The following TMEM132C variants were observed in gnomAD, a reference collection of about 807,000 sequenced individuals.
The protein encoded by TMEM132C is protein phosphatase 1, regulatory subunit 152.
Under a neutral mutation model 61.4 loss-of-function variants are expected in TMEM132C, and 29 were observed. The ratio of observed to expected loss-of-function variants is 0.47; its 90% confidence interval spans 0.35 to 0.64. The LOEUF (loss-of-function observed/expected upper bound fraction) is 0.64, where lower values mean the gene tolerates loss of function less well. Among genes scored for constraint, TMEM132C ranks in the 30% least tolerant of loss-of-function variants. The pLI is 0.00. For synonymous variants in TMEM132C, 656 were observed against 633.1 expected, an observed-to-expected ratio of 1.04 and a Z score of -0.54; for missense variants, 1,408 against 1,476.9, an observed-to-expected ratio of 0.95 and a Z score of 0.76.
At chr12:128,627,976 G>GGTGCAT (rs1397503593) in intron 4 of TMEM132C, among the ~76,000 whole-genome samples, 2 of 152,176 alleles carry the variant, frequency 1.3e-5, no homozygotes, top group Non-Finnish European at 2.9e-5. Flanking sequence ...TGCAGGTGCA[G>GGTGCAT]GTTCAGGTGC....
At chr12:128,555,290 C>T (rs1307833208) in intron 3 of TMEM132C, among the ~76,000 whole-genome samples, 1 of 152,152 alleles carries the variant, frequency 6.6e-6, no homozygotes, top group Non-Finnish European at 1.5e-5. Flanking sequence ...GGAACAGGAA[C>T]GTGCTCATAG....
At chr12:128,393,915 T>C (rs1874851709) in intron 1 of TMEM132C, among the ~76,000 whole-genome samples, 1 of 152,200 alleles carries the variant, frequency 6.6e-6, no homozygotes, top group Non-Finnish European at 1.5e-5. Context: ...GGCCTGGATA[T>C]TGGCACACAG....
intron 1 of TMEM132C, among the ~76,000 whole-genome samples, chr12:128,401,368 G>A (rs537766825): frequency 1.3e-5 from 2 of 151,932 alleles, no homozygotes; most frequent in East Asian, 1.9e-4. Flanking sequence ...TCAGTATAGT[G>A]CTCTGTCATA....
At chr12:128,416,235 G>C (rs192831723) in intron 2 of TMEM132C, among the ~76,000 whole-genome samples, 53 of 152,234 alleles carry the variant, frequency 3.5e-4, no homozygotes, top group Non-Finnish European at 6.3e-4. Context: ...TCCACCTACT[G>C]TCACCATGGC....
chr12:128,505,258 C>T (rs1400515167), intron 2 of TMEM132C, among the ~76,000 whole-genome samples: 2 of 152,168 alleles, frequency 1.3e-5, no homozygotes, highest in Non-Finnish European at 2.9e-5. Context: ...GCCAATCAAC[C>T]AACAGTCTTG....
At chr12:128,506,890 C>T (rs576139076) in intron 2 of TMEM132C, among the ~76,000 whole-genome samples, 1 of 152,274 alleles carries the variant, frequency 6.6e-6, no homozygotes, top group South Asian at 2.1e-4. Context: ...ACCACGACCT[C>T]AGACTCAATT....
chr12:128,366,364 T>C (rs1055481115), intron 1 of TMEM132C, among the ~76,000 whole-genome samples: 4 of 152,202 alleles, frequency 2.6e-5, no homozygotes, highest in African/African-American at 7.2e-5. Context: ...AGTGCGAACT[T>C]GCTGACTTTC....
At chr12:128,342,213 T>C (rs1231181918) in intron 1 of TMEM132C, among the ~76,000 whole-genome samples, 1 of 152,070 alleles carries the variant, frequency 6.6e-6, no homozygotes, top group East Asian at 1.9e-4. Flanking sequence ...GTCACCATAT[T>C]GGCCAAGGTG....
intron 2 of TMEM132C, among the ~76,000 whole-genome samples, chr12:128,467,825 A>C (rs1034047171): frequency 6.6e-6 from 1 of 152,182 alleles, no homozygotes; most frequent in Non-Finnish European, 1.5e-5. Flanking sequence ...GCATCTGTCC[A>C]TCCATCTATT....
At chr12:128,696,909 A>C (rs149490774) in intron 7 of TMEM132C, among the ~76,000 whole-genome samples, 180 of 152,362 alleles carry the variant, frequency 1.2e-3, no homozygotes, top group African/African-American at 4.1e-3. Context: ...CACCATGTAC[A>C]GTTAACCAGG....
chr12:128,347,618 G>A lies in TMEM132C; in HGVS notation c.86-67114G>A, dbSNP rs536573492. Among the ~76,000 whole-genome samples, 4 of 152,296 alleles carry A rather than the reference G, an allele frequency of 2.6e-5. No homozygotes were observed. The East Asian group carries it at 7.7e-4, about 29-fold the overall frequency. On this transcript the variant is annotated intron_variant, in intron 1 of 8. Transcript: ENST00000435159. ...TAATTTTGTATTTTTAGTAGAGACA[G>A]GGTTTCTCCATGTTGGTCAGGCTGG...
chr12:128,536,815 A>C (rs1358456368), intron 2 of TMEM132C, among the ~76,000 whole-genome samples: 1 of 152,138 alleles, frequency 6.6e-6, no homozygotes, highest in Non-Finnish European at 1.5e-5. Flanking sequence ...ATGACCTTGC[A>C]TATGTCAACT....
intron 2 of TMEM132C, chr12:128,437,839 T>A (rs1211475004): frequency 6.6e-6 from 1 of 152,242 alleles, no homozygotes; most frequent in Non-Finnish European, 1.5e-5. Flanking sequence ...TTTCTGATAT[T>A]TTTCTTTGAC....
intron 1 of TMEM132C, among the ~76,000 whole-genome samples, chr12:128,411,877 T>C (rs1368416264): frequency 6.6e-6 from 1 of 152,252 alleles, no homozygotes; most frequent in Admixed American, 6.5e-5. Context: ...ATTTTGCCCA[T>C]GTCCCTTTCT....
intron 2 of TMEM132C, among the ~76,000 whole-genome samples, chr12:128,469,744 GTGTGTATATATATACACACATGCATTTA>G (rs1224430788): frequency 2.0e-5 from 3 of 151,300 alleles, no homozygotes; most frequent in Non-Finnish European, 4.4e-5. Flanking sequence ...GCATTTATGT[GTGTGTATATATATACACACATGCATTTA>G]TGTGTATATA....
intron 6 of TMEM132C, among the ~76,000 whole-genome samples, chr12:128,694,985 TTA>T (rs754285453): frequency 2.6e-5 from 4 of 152,196 alleles, no homozygotes; most frequent in Non-Finnish European, 5.9e-5. Flanking sequence ...ATGAGAATAA[TTA>T]TGAGTTTGCC....
chr12:128,500,414 A>G (rs1872129898), intron 2 of TMEM132C, among the ~76,000 whole-genome samples: 1 of 152,206 alleles, frequency 6.6e-6, no homozygotes, highest in South Asian at 2.1e-4. Flanking sequence ...GACAACCTGC[A>G]GAATGGTAAC....
intron 8 of TMEM132C, 130 bp downstream of exon 8, chr12:128,697,545 C>G (rs1413547144): frequency 3.2e-6 from 3 of 951,642 alleles, no homozygotes; most frequent in Non-Finnish European, 4.5e-6. Context: ...GAAGCCATGT[C>G]ATTGCAGACA....
intron 1 of TMEM132C, among the ~76,000 whole-genome samples, chr12:128,386,129 T>A (rs867453477): frequency 6.6e-5 from 10 of 152,140 alleles, no homozygotes; most frequent in African/African-American, 2.4e-4. Flanking sequence ...AGAAAGTGCC[T>A]CCCCATCAGA....
Sources: gnomAD v4.1 joint callset for allele counts (sites outside exome capture counted in the v4.1 genomes callset) on GRCh38, gnomAD v4.1.1 for gene constraint, MANE v1.5 for transcripts, NCBI Gene and HGNC (gene_info 2026-07-23, HGNC 2026-07-21) for gene names.